DCC: variants seen among roughly 807,000 people sequenced by gnomAD.
The protein encoded by DCC is DCC netrin 1 receptor.
Under a neutral mutation model 172.5 loss-of-function variants are expected in DCC, and 58 were observed. The ratio of observed to expected loss-of-function variants is 0.34; its 90% CI spans 0.27 to 0.42. The LOEUF (loss-of-function observed/expected upper bound fraction) is 0.42. Ranked by LOEUF, DCC falls within the 10% of genes least tolerant of loss-of-function variation. The pLI, the probability that DCC is intolerant of heterozygous loss-of-function variation, is 1.00. For missense variants in DCC, 1,740 were observed against 1,791.0 expected (o/e 0.97, Z 0.51); for synonymous variants, 709 against 644.5 (o/e 1.10, Z -1.52).
chr18:53,136,560 G>C (rs1034534021), intron 7 of DCC, among the ~76,000 whole-genome samples: 3 of 152,176 alleles, frequency 2.0e-5, no homozygotes, highest in Admixed American at 2.0e-4. Context: ...TCTAGGAGAT[G>C]ACAACTGAAT....
intron 9 of DCC, among the ~76,000 whole-genome samples, chr18:53,196,631 AT>A (rs1022337897): frequency 1.3e-5 from 2 of 152,140 alleles, no homozygotes; most frequent in African/African-American, 4.8e-5. Flanking sequence ...GCATATACAT[AT>A]GTGTGTACAA....
intron 1 of DCC, among the ~76,000 whole-genome samples, chr18:52,429,189 A>G (rs1300900025): frequency 2.6e-5 from 4 of 152,112 alleles, no homozygotes; most frequent in African/African-American, 9.7e-5. Flanking sequence ...TAAGCATTTT[A>G]AGCACAGTAT....
chr18:52,545,102 C>T (rs2032574871), intron 1 of DCC, among the ~76,000 whole-genome samples: 2 of 152,132 alleles, frequency 1.3e-5, no homozygotes, highest in Admixed American at 1.3e-4. Flanking sequence ...AGATAAGATG[C>T]TCAATTAGAT....
chr18:53,175,876 C>T (rs2055084961), intron 8 of DCC, among the ~76,000 whole-genome samples: 1 of 152,168 alleles, frequency 6.6e-6, no homozygotes, highest in Non-Finnish European at 1.5e-5. Flanking sequence ...CCAAGTGAAT[C>T]CTAAGCCAAA....
intron 7 of DCC, among the ~76,000 whole-genome samples, chr18:53,084,422 ATAAATAT>A (rs2042850181): frequency 6.6e-6 from 1 of 152,230 alleles, no homozygotes; most frequent in South Asian, 2.1e-4. Context: ...TTTGGAGGAA[ATAAATAT>A]TAAATACACT....
intron 9 of DCC, among the ~76,000 whole-genome samples, chr18:53,194,613 G>T (rs535835526): frequency 1.3e-5 from 2 of 152,190 alleles, no homozygotes; most frequent in South Asian, 4.1e-4. Context: ...GAGATTACAG[G>T]CACGTGCCAC....
At chr18:53,472,536 G>A (rs1480988916) in intron 25 of DCC, among the ~76,000 whole-genome samples, 1 of 152,066 alleles carries the variant, frequency 6.6e-6, no homozygotes, top group Non-Finnish European at 1.5e-5. Flanking sequence ...TTGTACTTTA[G>A]AATCTGTGGA....
chr18:53,515,063 A>T (rs971945961), intron 27 of DCC, among the ~76,000 whole-genome samples: 10 of 152,126 alleles, frequency 6.6e-5, no homozygotes, highest in Non-Finnish European at 1.5e-4. Flanking sequence ...AAATACTGGC[A>T]ACACGAATCC....
chr18:53,334,647 C>T (rs951549608), intron 14 of DCC, among the ~76,000 whole-genome samples: 1 of 152,074 alleles, frequency 6.6e-6, no homozygotes, highest in Non-Finnish European at 1.5e-5. Flanking sequence ...ATTTAACTTC[C>T]CTGGGTACCT....
chr18:53,288,471 C>A (rs1159123118), intron 12 of DCC, among the ~76,000 whole-genome samples: 1 of 152,024 alleles, frequency 6.6e-6, no homozygotes, highest in Non-Finnish European at 1.5e-5. Context: ...AAATAAAAAT[C>A]TTTTAAAATA....
intron 12 of DCC, among the ~76,000 whole-genome samples, chr18:53,280,803 C>T (rs2056861481): frequency 6.6e-6 from 1 of 151,936 alleles, no homozygotes; most frequent in Admixed American, 6.6e-5. Context: ...AAAGGTTGGA[C>T]TAGATGAGGA....
At chr18:53,429,054 T>TTATATATTTTATATATAA (rs1224829023) in intron 21 of DCC, among the ~76,000 whole-genome samples, 1 of 35,166 alleles carries the variant, frequency 2.8e-5, no homozygotes, top group African/African-American at 6.5e-5. Flanking sequence ...ATATAATATA[T>TTATATATTTTATATATAA]TATATATTTT....
rs1227037263 is a variant in DCC at position 53,428,562 on chromosome 18, A to AT, written c.3164-6581dup. Among the ~76,000 whole-genome samples, 2 of 58,464 alleles carry AT rather than the reference A, an allele frequency of 3.4e-5. 1 individual carries two copies. Among genetic ancestry groups the AT allele is most frequent in the African/African-American group, 1.1e-4 (2 of 18,432 alleles). 38.4% of individuals were successfully genotyped at this position (58,464 alleles called of 152,430 possible). A position where few individuals can be genotyped will look rare whatever the true frequency, so the allele number is the denominator to read the frequency against. Reference sequence around the variant, plus strand: ...TATATATATATAAATATATTTATATATATATTTATATATATAAAATATATA... The same window carrying AT: ...TATATATATATAAATATATTTATATATTATATTTATATATATAAAATATATA... On this transcript the variant is annotated intron_variant, in intron 21 of 28. Coordinates refer to ENST00000442544, the MANE Select transcript of DCC (RefSeq NM_005215.4).
chr18:53,064,728 A>G (rs1330101365), intron 6 of DCC, among the ~76,000 whole-genome samples: 1 of 152,178 alleles, frequency 6.6e-6, no homozygotes, highest in African/African-American at 2.4e-5. Context: ...AGAGTAAGAA[A>G]GATAAAATTT....
At chr18:53,228,224 A>C (rs540441555) in intron 12 of DCC, among the ~76,000 whole-genome samples, 1 of 152,278 alleles carries the variant, frequency 6.6e-6, no homozygotes, top group Non-Finnish European at 1.5e-5. Context: ...GAAATCAAAT[A>C]TAATGGCATT....
At chr18:53,077,461 T>C (rs1215503612) in intron 7 of DCC, among the ~76,000 whole-genome samples, 1 of 151,994 alleles carries the variant, frequency 6.6e-6, no homozygotes, top group Non-Finnish European at 1.5e-5. Context: ...AACATGGAGG[T>C]CTGGGCCCCT....
chr18:52,903,732 C>T (rs953794017), intron 2 of DCC, among the ~76,000 whole-genome samples: 2 of 152,064 alleles, frequency 1.3e-5, no homozygotes, highest in East Asian at 1.9e-4. Context: ...AAATAAAAAT[C>T]AAATTTGTGC....
At chr18:52,602,400 A>AGT (rs71175506) in intron 1 of DCC, among the ~76,000 whole-genome samples, 10,416 of 148,712 alleles carry the variant, frequency 0.07, 718 homozygotes, top group East Asian at 0.39. Context: ...TTAGTATCAA[A>AGT]GTGTGTGTGT....
chr18:53,022,519 T>A (rs574354410), intron 5 of DCC, among the ~76,000 whole-genome samples: 2 of 145,580 alleles, frequency 1.4e-5, no homozygotes, highest in African/African-American at 5.1e-5. Flanking sequence ...ATATATATGT[T>A]CAGTATTTTT....
Sources: allele counts gnomAD v4.1 joint callset (sites outside exome capture counted in the v4.1 genomes callset), GRCh38; gene constraint gnomAD v4.1.1; transcripts MANE v1.5; gene names NCBI Gene and HGNC (gene_info 2026-07-23, HGNC 2026-07-21).